The following ELFN1 variants were observed in gnomAD, a reference collection of about 807,000 sequenced individuals.
The protein encoded by ELFN1 is protein ELFN1.
A neutral mutation model predicts 7.6 loss-of-function variants in ELFN1; 6 were observed. That is an observed-to-expected ratio of 0.79 (90% confidence interval 0.43 to 1.56). ELFN1 has a LOEUF of 1.56. Ranked by LOEUF, ELFN1 falls within the 40% of genes most tolerant of loss-of-function variation. The pLI is 0.01. For missense variants in ELFN1, 1,169 were observed against 1,232.2 expected (o/e 0.95, Z 0.77); for synonymous variants, 657 against 588.1 (o/e 1.12, Z -1.70).
In ELFN1 at chr7:1,705,371, G is replaced by A. The variant is rs984621602; in HGVS notation, c.-455-3720G>A. Among the ~76,000 whole-genome samples the A allele has an allele frequency of 6.6e-6, 1 of 152,218 alleles. No individual in the cohort carries two copies. Among genetic ancestry groups the A allele is most frequent in the African/African-American group, 2.4e-5 (1 of 41,446 alleles). On this transcript the variant is annotated intron_variant, in intron 2 of 3. Transcript: ENST00000424383. The surrounding 1 kb of genome is among the most constrained non-coding windows in gnomAD (Gnocchi z 4.3). ...TGAAATGCAAATGTCAAGTTTGGGC[G>A]CCTTCATTTTTCCAACCCTCTCACC... is the stretch of plus-strand genomic sequence containing the variant.
chr7:1,699,017 T>A (rs1264589001), intron 2 of ELFN1, among the ~76,000 whole-genome samples: 1 of 152,232 alleles, frequency 6.6e-6, no homozygotes, highest in East Asian at 1.9e-4. Context: ...TGTGTTTTCA[T>A]GTTGTATAAG....
chr7:1,745,982 C>G lies in ELFN1; in HGVS notation c.1386C>G (p.Leu462=). 6.5e-7 allele frequency: 1 copy of G among 1,544,686 alleles called. No individual in the cohort carries two copies. Among genetic ancestry groups the G allele is most frequent in the East Asian group, 2.5e-5 (1 of 40,746 alleles). ...CCTCGGCAGCCGCAGCTGGCAGCCT[C>G]AAGAAGACCATCATCGAGCTCAAGT... ...KAASAAAAGS[L]KKTIIELKYG... The change falls in exon 4 of 4, where the codon CTC becomes CTG. Residue 462 remains leucine, a synonymous_variant. Coordinates refer to ENST00000424383, the MANE Select transcript of ELFN1 (RefSeq NM_001128636.4).
chr7:1,715,443 T>C (rs1332306679), intron 3 of ELFN1, among the ~76,000 whole-genome samples: 1 of 152,028 alleles, frequency 6.6e-6, no homozygotes, highest in Non-Finnish European at 1.5e-5. Context: ...TGCACACACC[T>C]GGGACTGCCC....
At chr7:1,713,210 G>A (rs1435059918) in intron 3 of ELFN1, among the ~76,000 whole-genome samples, 1 of 152,208 alleles carries the variant, frequency 6.6e-6, no homozygotes, top group African/African-American at 2.4e-5. Context: ...TGCAGACTCT[G>A]TGCTGTGAGC....
In ELFN1 at chr7:1,745,600, T is replaced by C; in HGVS notation, c.1004T>C (p.Leu335Pro). 1 of 1,550,938 alleles carries C rather than the reference T, an allele frequency of 6.4e-7. No homozygotes were observed. The highest frequency in any genetic ancestry group is 8.7e-7 in the Non-Finnish European group (1 of 1,146,954). ...AACTCGGCCACCATCACCGTCCAGC[T>C]GCCCAGCCCGTTCCACCGGATGTAC... ...TQNSATITVQ[L>P]PSPFHRMYTL... is the part of the protein sequence containing the mutation. The change falls in exon 4 of 4, where the codon CTG becomes CCG. Residue 335 changes from leucine (L) to proline (P), a missense_variant. By Grantham distance (98) the Leu-to-Pro change is moderately conservative. Coordinates refer to ENST00000424383, the MANE Select transcript of ELFN1 (RefSeq NM_001128636.4).
chr7:1,746,222 CCGG>C lies in ELFN1; in HGVS notation c.1628_1630del (p.Arg543del). On this transcript the variant is annotated inframe_deletion, in exon 4 of 4. Coordinates refer to ENST00000424383, the MANE Select transcript of ELFN1 (RefSeq NM_001128636.4). ...CGGAACGCAGGGACTGTGAGCTGGG[CCGG>C]CCGGGCCCCGACAGCCAGAGTTCGG... The C allele has an allele frequency of 6.4e-7, 1 of 1,557,916 alleles. No homozygotes were observed. The highest frequency in any genetic ancestry group is 1.2e-5 in the South Asian group (1 of 84,402).
At chr7:1,696,936 GAAATGACC>G (rs1032062247) in intron 2 of ELFN1, among the ~76,000 whole-genome samples, 6 of 152,326 alleles carry the variant, frequency 3.9e-5, no homozygotes, top group African/African-American at 1.4e-4. Flanking sequence ...AGGGCCACAG[GAAATGACC>G]ACGAGCAATG....
intron 1 of ELFN1, among the ~76,000 whole-genome samples, chr7:1,678,881 C>A (rs892150940): frequency 6.6e-6 from 1 of 152,196 alleles, no homozygotes. Context: ...CGCGTGGACA[C>A]GCTGTGAACT....
At chr7:1,731,655 AT>A (rs1043243291) in intron 3 of ELFN1, among the ~76,000 whole-genome samples, 7 of 152,080 alleles carry the variant, frequency 4.6e-5, no homozygotes, top group African/African-American at 1.4e-4. Context: ...TCCTTTATTT[AT>A]TTATATATTT....
At chr7:1,704,219 G>A (rs972763858) in intron 2 of ELFN1, among the ~76,000 whole-genome samples, 1 of 152,134 alleles carries the variant, frequency 6.6e-6, no homozygotes, top group Non-Finnish European at 1.5e-5. Flanking sequence ...GGGGGACCCT[G>A]CCAGCTGTGA....
At chr7:1,686,843 C>A (rs940132365) in intron 1 of ELFN1, among the ~76,000 whole-genome samples, 1 of 152,154 alleles carries the variant, frequency 6.6e-6, no homozygotes, top group Non-Finnish European at 1.5e-5. Flanking sequence ...TCAGGTATCT[C>A]TATGACTGTC....
At chr7:1,711,552 A>G (rs1011115324) in intron 3 of ELFN1, among the ~76,000 whole-genome samples, 2 of 148,538 alleles carry the variant, frequency 1.3e-5, no homozygotes, top group African/African-American at 5.0e-5. Context: ...GGAAGGAAAA[A>G]CCTTGAAGAG....
intron 3 of ELFN1, among the ~76,000 whole-genome samples, chr7:1,727,117 A>C (rs1780219276): frequency 1.3e-5 from 2 of 152,156 alleles, no homozygotes; most frequent in African/African-American, 4.8e-5. Context: ...TGTTCCGTCC[A>C]TCTTGGTTCC....
In ELFN1 at chr7:1,744,558, T is replaced by C. The variant is rs1321089618; in HGVS notation, c.-39T>C. ...CGCCTGGCCCCCCACCTGGTCCCCC[T>C]GGGCAGGCTGAATTGGGGCTCCCTG... On this transcript the variant is annotated 5_prime_UTR_variant, in exon 4 of 4. Coordinates refer to ENST00000424383, the MANE Select transcript of ELFN1 (RefSeq NM_001128636.4). The C allele has an allele frequency of 4.6e-5, 67 of 1,454,870 alleles. No individual in the cohort carries two copies. Among genetic ancestry groups the C allele is most frequent in the Non-Finnish European group, 5.7e-5 (63 of 1,108,890 alleles). 90.1% of individuals were successfully genotyped at this position (1,454,870 alleles called of 1,614,324 possible).
Position 1,746,691 on chromosome 7 carries a change from C to T in ELFN1, c.2095C>T (p.Gln699Ter). The change falls in exon 4 of 4, where the codon CAG becomes TAG. Residue 699 changes from glutamine (Q) to a stop codon, truncating the protein, a stop_gained. Coordinates refer to ENST00000424383, the MANE Select transcript of ELFN1 (RefSeq NM_001128636.4). LOFTEE classifies it low-confidence loss of function (END_TRUNC). Reference sequence around the variant, plus strand: ...GCGGGCCGAGGCCGAGAAGGGTCGCCAGTACGGCGAGCACCGGCACTCGTA... The same window carrying T: ...GCGGGCCGAGGCCGAGAAGGGTCGCTAGTACGGCGAGCACCGGCACTCGTA... The part of the protein sequence containing the change: ...VLRAEAEKGR[Q>*]YGEHRHSYPG... The T allele has an allele frequency of 6.9e-7, 1 of 1,442,374 alleles. No homozygotes were observed. The highest frequency in any genetic ancestry group is 9.1e-7 in the Non-Finnish European group (1 of 1,104,408). The allele number at this position is 1,442,374 out of a possible 1,614,324, so 89.3% of individuals were successfully genotyped here. A position where few individuals can be genotyped will look rare whatever the true frequency, so the allele number is the denominator to read the frequency against.
upstream of ELFN1, among the ~76,000 whole-genome samples, chr7:1,666,476 AC>A (rs1778672855): frequency 1.3e-5 from 2 of 151,526 alleles, no homozygotes; most frequent in African/African-American, 4.9e-5. The surrounding 1 kb of genome is among the most constrained non-coding windows in gnomAD (Gnocchi z 7.9). Flanking sequence ...AGGCGGGCGC[AC>A]CCGAAGTTAG....
upstream of ELFN1, among the ~76,000 whole-genome samples, chr7:1,669,888 C>T (rs1361916060): frequency 2.0e-5 from 3 of 150,558 alleles, no homozygotes. Context: ...CCCACCCCCT[C>T]CACCTTTTAG....
Position 1,680,805 on chromosome 7 carries a change from G to A in ELFN1, c.-548-7253G>A, listed in dbSNP as rs997021027. Among the ~76,000 whole-genome samples, 4 of 147,716 alleles carry A rather than the reference G, an allele frequency of 2.7e-5. No homozygotes were observed. The South Asian group carries it at 6.4e-4, about 24-fold the overall frequency. The stretch of plus-strand genomic sequence containing the variant: ...TGCCTAGGCTGGAGTGCAGTGGTGC[G>A]TTCTCGGCTCACAGCAGCCTCCGCC... On this transcript the variant is annotated intron_variant, in intron 1 of 3. Coordinates refer to ENST00000424383, the MANE Select transcript of ELFN1 (RefSeq NM_001128636.4).
At chr7:1,728,676 C>G (rs970489031) in intron 3 of ELFN1, among the ~76,000 whole-genome samples, 1 of 152,212 alleles carries the variant, frequency 6.6e-6, no homozygotes, top group Non-Finnish European at 1.5e-5. Context: ...TTCTCACGTT[C>G]CCCCCTCCAG....
Sources: allele counts gnomAD v4.1 joint callset (sites outside exome capture counted in the v4.1 genomes callset), GRCh38; gene constraint gnomAD v4.1.1; non-coding constraint Gnocchi (gnomAD v3.1); transcripts MANE v1.5; gene names NCBI Gene and HGNC (gene_info 2026-07-23, HGNC 2026-07-21).